Variants in SLC2A2 observed in about 807,000 individuals in gnomAD.
SLC2A2 encodes the protein solute carrier family 2, facilitated glucose transporter member 2.
In SLC2A2, 36 loss-of-function variants were observed where a neutral mutation model predicts 54.5. The ratio of observed to expected loss-of-function variants is 0.66; its 90% CI spans 0.51 to 0.87. The LOEUF (loss-of-function observed/expected upper bound fraction) is 0.87. Among genes scored for constraint, SLC2A2 ranks in the 40% least tolerant of loss-of-function variants. SLC2A2 has a pLI of 0.00. For missense variants in SLC2A2, 543 were observed against 624.3 expected, an observed-to-expected ratio of 0.87 and a Z score of 1.39; for synonymous variants, 223 against 219.1, an observed-to-expected ratio of 1.02 and a Z score of -0.16.
chr3:171,023,995 A>C (rs1260932132), intron 1 of SLC2A2, among the ~76,000 whole-genome samples: 3 of 152,180 alleles, frequency 2.0e-5, no homozygotes, highest in African/African-American at 7.2e-5. Flanking sequence ...ACATAAAACA[A>C]TGTAGTGTTT....
At position 171,019,035 on chromosome 3, in the gene SLC2A2, T is replaced by TTA. The variant is rs577036617; in HGVS notation, c.16-414_16-413dup. ...TCATGCAGAAAATCCAAACTTTGTT[T>TTA]TATATATATATATTTGTTGATATGT... On this transcript the variant is annotated intron_variant, in intron 1 of 10. Transcript: ENST00000314251. 4.7e-3 allele frequency among the ~76,000 whole-genome samples: 695 copies of TTA among 149,116 alleles called. 5 individuals are homozygous for TTA. Among genetic ancestry groups the TTA allele is most frequent in the African/African-American group, 0.011 (446 of 40,818 alleles).
intron 8 of SLC2A2, among the ~76,000 whole-genome samples, chr3:170,999,788 G>A (rs1405654115): frequency 1.3e-5 from 2 of 152,106 alleles, no homozygotes; most frequent in Non-Finnish European, 2.9e-5. Context: ...TGTGCTGGGA[G>A]TGAACTATTC....
At position 171,018,520 on chromosome 3, in the gene SLC2A2, A is replaced by T; in HGVS notation, c.108+11T>A. 8 of 1,583,410 alleles carry T rather than the reference A, an allele frequency of 5.1e-6. No individual in the cohort carries two copies. The highest frequency in any genetic ancestry group is 6.9e-6 in the Non-Finnish European group (8 of 1,152,036). ...CTTGCCAAAAAGAGAACTTCTACAT[A>T]TTTCACTTGCCTGTTGAGGTGCATT... On this transcript the variant is annotated intron_variant, in intron 2 of 10. Transcript: ENST00000314251.
intron 3 of SLC2A2, among the ~76,000 whole-genome samples, chr3:171,010,594 C>T (rs1440916150): frequency 1.3e-5 from 2 of 151,590 alleles, no homozygotes; most frequent in African/African-American, 4.8e-5. Flanking sequence ...TAACCTACAA[C>T]TTTTTTTTTC....
At chr3:171,012,109 G>GTCGTCATCATCATCATCA (rs1437849082) in intron 3 of SLC2A2, among the ~76,000 whole-genome samples, 1 of 152,012 alleles carries the variant, frequency 6.6e-6, no homozygotes. Flanking sequence ...CATGGTCATT[G>GTCGTCATCATCATCATCA]TCGTCATCAT....
intron 3 of SLC2A2, among the ~76,000 whole-genome samples, chr3:171,013,648 C>T (rs1004834083): frequency 1.6e-5 from 2 of 127,788 alleles, no homozygotes; most frequent in Non-Finnish European, 3.3e-5. Context: ...TTATTTACAT[C>T]TTTAAAGGCA....
intron 4 of SLC2A2, among the ~76,000 whole-genome samples, chr3:171,009,649 A>G (rs1481053102): frequency 6.6e-6 from 1 of 152,092 alleles, no homozygotes; most frequent in Non-Finnish European, 1.5e-5. Flanking sequence ...TAAGGTAGAT[A>G]TTATTATCCA....
chr3:170,998,217 T>A lies in SLC2A2; in HGVS notation c.1350A>T (p.Val450=). 2 of 1,613,768 alleles carry A rather than the reference T, an allele frequency of 1.2e-6. No homozygotes were observed. The highest frequency in any genetic ancestry group is 1.7e-6 in the Non-Finnish European group (2 of 1,179,778). The change falls in exon 10 of 11, where the codon GTA becomes GTT. Residue 450 remains valine (V), a synonymous_variant. Transcript: ENST00000314251. ...CCGCAATGTACTGGAAACACAGAGC[T>A]ACAATGAAATTGCAGGTCCAATTGC... is the stretch of plus-strand genomic sequence containing the variant. ...AFSNWTCNFI[V]ALCFQYIADF...
chr3:171,025,719 A>C (rs1363942222), intron 1 of SLC2A2, among the ~76,000 whole-genome samples: 1 of 152,238 alleles, frequency 6.6e-6, no homozygotes, highest in Non-Finnish European at 1.5e-5. Context: ...AAGTTGCACC[A>C]GATGAGAACT....
chr3:171,014,535 G>T lies in SLC2A2; in HGVS notation c.305C>A (p.Ser102Tyr). 6.2e-7 allele frequency: 1 copy of T among 1,614,090 alleles called. No individual in the cohort carries two copies. The highest frequency in any genetic ancestry group is 8.5e-7 in the Non-Finnish European group (1 of 1,179,992). The change falls in exon 3 of 11, where the codon TCC (serine) becomes TAC (tyrosine). Residue 102 changes from serine to tyrosine, a missense_variant. By Grantham distance (144) the Ser-to-Tyr change is moderately radical. Coordinates refer to ENST00000314251, the MANE Select transcript of SLC2A2 (RefSeq NM_000340.2). Reference protein sequence around the residue: ...LITMLWSLSVSSFAVGGMTAS... With the variant: ...LITMLWSLSVYSFAVGGMTAS... Reference sequence around the variant, plus strand: ...AGTCATTCCACCAACTGCAAAGCTGGATACAGACAGGGACCAGAGCATGGT... The same window carrying T: ...AGTCATTCCACCAACTGCAAAGCTGTATACAGACAGGGACCAGAGCATGGT...
At chr3:171,007,021 T>C in intron 5 of SLC2A2, 127 bp downstream of exon 5, 1 of 711,488 alleles carries the variant, frequency 1.4e-6, no homozygotes. Context: ...ACAGTGAGAA[T>C]GGACAGTCAG....
chr3:171,023,426 A>G lies in SLC2A2; in HGVS notation c.15+3230T>C, dbSNP rs74329940. Among the ~76,000 whole-genome samples, 940 of 152,182 alleles carry G rather than the reference A, an allele frequency of 6.2e-3. 12 individuals carry two copies. The highest frequency in any genetic ancestry group is 0.021 in the African/African-American group (886 of 41,520). On this transcript the variant is annotated intron_variant, in intron 1 of 10. Coordinates refer to ENST00000314251, the MANE Select transcript of SLC2A2 (RefSeq NM_000340.2). ...CACTCCTTCATCTTTTCTTTCTCCA[A>G]TGTTGTGAAATGAAAAGAAGTAATG... is the stretch of plus-strand genomic sequence containing the variant.
rs148648179 is a variant in SLC2A2 at position 171,016,907 on chromosome 3, G to A, written c.108+1624C>T. ...TTGCTCTTGTTGCCCAGGCTGAAGTGCAATGTGCGATTGCAGCTCATCGCA... is the reference window on the plus strand; with the variant it reads ...TTGCTCTTGTTGCCCAGGCTGAAGTACAATGTGCGATTGCAGCTCATCGCA... On this transcript the variant is annotated intron_variant, in intron 2 of 10. Transcript: ENST00000314251. Among the ~76,000 whole-genome samples, 741 of 147,028 alleles carry A rather than the reference G, an allele frequency of 5.0e-3. 3 individuals carry two copies. The highest frequency in any genetic ancestry group is 0.018 in the African/African-American group (705 of 39,798).
At chr3:171,002,180 G>A (rs190306753) in intron 8 of SLC2A2, among the ~76,000 whole-genome samples, 11 of 152,010 alleles carry the variant, frequency 7.2e-5, no homozygotes, top group Admixed American at 7.2e-4. Flanking sequence ...TTTGAACTAT[G>A]TAAAAAGAGG....
intron 3 of SLC2A2, among the ~76,000 whole-genome samples, chr3:171,011,115 A>G (rs1715863181): frequency 6.6e-6 from 1 of 152,100 alleles, no homozygotes; most frequent in Non-Finnish European, 1.5e-5. Flanking sequence ...TCTGGAGCAT[A>G]AAACTATAAA....
chr3:171,004,445 A>G (rs556821192), intron 7 of SLC2A2, among the ~76,000 whole-genome samples: 77 of 152,060 alleles, frequency 5.1e-4, no homozygotes, highest in Middle Eastern at 3.4e-3. Context: ...TTTTGTTTCA[A>G]TGGATGGGAA....
intron 8 of SLC2A2, among the ~76,000 whole-genome samples, chr3:170,999,655 A>G (rs1715256894): frequency 6.6e-6 from 1 of 152,084 alleles, no homozygotes; most frequent in South Asian, 2.1e-4. Flanking sequence ...GGTGTCAACT[A>G]TTCTCATCCA....
intron 8 of SLC2A2, among the ~76,000 whole-genome samples, chr3:170,999,794 T>G (rs1276800639): frequency 1.3e-5 from 2 of 152,138 alleles, no homozygotes; most frequent in African/African-American, 4.8e-5. Flanking sequence ...GGGAGTGAAC[T>G]ATTCGTTTTA....
chr3:171,017,030 T>C (rs1250022098), intron 2 of SLC2A2, among the ~76,000 whole-genome samples: 1 of 151,946 alleles, frequency 6.6e-6, no homozygotes, highest in African/African-American at 2.4e-5. Flanking sequence ...TTTTGTATTT[T>C]TAGTAGAGAC....
Sources: allele counts gnomAD v4.1 joint callset (sites outside exome capture counted in the v4.1 genomes callset), GRCh38; gene constraint gnomAD v4.1.1; transcripts MANE v1.5; gene names NCBI Gene and HGNC (gene_info 2026-07-23, HGNC 2026-07-21).